The following TSHZ2 variants were observed in gnomAD, a reference collection of about 807,000 sequenced individuals.
TSHZ2 encodes the protein teashirt zinc finger homeobox 2, also known as teashirt homolog 2.
Under a neutral mutation model 74.4 loss-of-function variants are expected in TSHZ2, and 21 were observed. That is an observed-to-expected ratio of 0.28 (90% CI 0.20 to 0.41). TSHZ2 has a LOEUF of 0.41. Among genes scored for constraint, TSHZ2 ranks in the 10% least tolerant of loss-of-function variants. TSHZ2 has a pLI of 1.00. For missense variants in TSHZ2, 1,244 were observed against 1,293.5 expected (o/e 0.96, Z 0.59); for synonymous variants, 540 against 515.3 (o/e 1.05, Z -0.65).
At chr20:53,105,194 G>A (rs1472209222) in intron 1 of TSHZ2, among the ~76,000 whole-genome samples, 1 of 152,180 alleles carries the variant, frequency 6.6e-6, no homozygotes, top group Non-Finnish European at 1.5e-5. Flanking sequence ...TCATTTCGTG[G>A]CCACGTGAAA....
chr20:53,272,692 GA>G (rs1184219274), intron 2 of TSHZ2, among the ~76,000 whole-genome samples: 1 of 152,152 alleles, frequency 6.6e-6, no homozygotes, highest in Non-Finnish European at 1.5e-5. Flanking sequence ...GAGGATGTAA[GA>G]AACATTTCCA....
In TSHZ2 at chr20:53,487,996, G is replaced by A. The variant is rs1303040121; in HGVS notation, c.*861G>A. On this transcript the variant is annotated 3_prime_UTR_variant, in exon 3 of 3. Coordinates refer to ENST00000371497, the MANE Select transcript of TSHZ2 (RefSeq NM_173485.6). Reference sequence around the variant, plus strand: ...TGCAGAATCTGAGAGAACGCGAGAAGATGAGATCATTACAGGGTGGAAAGT... The same window carrying A: ...TGCAGAATCTGAGAGAACGCGAGAAAATGAGATCATTACAGGGTGGAAAGT... The A allele has an allele frequency of 2.0e-5, 3 of 152,234 alleles. No homozygotes were observed. The highest frequency in any genetic ancestry group is 4.4e-5 in the Non-Finnish European group (3 of 68,042). The allele number at this position is 152,234 out of a possible 1,614,324, so 9.4% of individuals were successfully genotyped here. A position where few individuals can be genotyped will look rare whatever the true frequency, so the allele number is the denominator to read the frequency against.
At chr20:52,987,237 C>G (rs1030203888) in intron 1 of TSHZ2, among the ~76,000 whole-genome samples, 4 of 152,056 alleles carry the variant, frequency 2.6e-5, no homozygotes, top group African/African-American at 9.7e-5. Context: ...TGGTTCTCAA[C>G]CTTTATTTGG....
At chr20:53,326,818 A>G (rs1979512501) in intron 2 of TSHZ2, among the ~76,000 whole-genome samples, 1 of 152,242 alleles carries the variant, frequency 6.6e-6, no homozygotes, top group African/African-American at 2.4e-5. Flanking sequence ...TCTGTTCACA[A>G]TTTTAGTAAT....
chr20:53,345,311 C>T (rs1980392568), intron 2 of TSHZ2, among the ~76,000 whole-genome samples: 1 of 151,844 alleles, frequency 6.6e-6, no homozygotes, highest in Non-Finnish European at 1.5e-5. Flanking sequence ...GTCACTGGAA[C>T]CACCCCCACC....
At chr20:53,012,937 A>G (rs1756914750) in intron 1 of TSHZ2, among the ~76,000 whole-genome samples, 1 of 152,142 alleles carries the variant, frequency 6.6e-6, no homozygotes, top group Non-Finnish European at 1.5e-5. Context: ...TCTCTCTTTT[A>G]CTTTGCCAAA....
chr20:53,078,818 GA>G (rs915617156), intron 1 of TSHZ2, among the ~76,000 whole-genome samples: 4 of 152,118 alleles, frequency 2.6e-5, no homozygotes, highest in Admixed American at 1.3e-4. Flanking sequence ...TGGAGTGGGG[GA>G]AAATTTTGGT....
chr20:53,204,087 C>A (rs1989079567), intron 1 of TSHZ2, among the ~76,000 whole-genome samples: 1 of 117,802 alleles, frequency 8.5e-6, no homozygotes, highest in Non-Finnish European at 1.9e-5. Context: ...CTATTTATAT[C>A]ATCATATGAT....
intron 1 of TSHZ2, among the ~76,000 whole-genome samples, chr20:53,186,425 C>A (rs1169830366): frequency 6.6e-6 from 1 of 152,162 alleles, no homozygotes; most frequent in Admixed American, 6.5e-5. Flanking sequence ...GAATCAGAAA[C>A]CCTAGGCTTG....
chr20:53,154,227 G>A (rs543850722), intron 1 of TSHZ2, among the ~76,000 whole-genome samples: 1 of 152,296 alleles, frequency 6.6e-6, no homozygotes, highest in South Asian at 2.1e-4. Context: ...ATCTAATGGG[G>A]AGTAAGTAGC....
intron 2 of TSHZ2, among the ~76,000 whole-genome samples, chr20:53,438,609 G>A (rs1475821322): frequency 6.6e-6 from 1 of 152,168 alleles, no homozygotes; most frequent in African/African-American, 2.4e-5. Flanking sequence ...TTGGAAGTGG[G>A]GTGAGCCCTA....
intron 1 of TSHZ2, among the ~76,000 whole-genome samples, chr20:53,091,739 G>A (rs148440987): frequency 1.1e-4 from 17 of 152,230 alleles, no homozygotes; most frequent in Non-Finnish European, 2.1e-4. Context: ...TTCAGAGAGT[G>A]TGCTAAAAAC....
At chr20:53,230,125 G>A (rs969670827) in intron 1 of TSHZ2, among the ~76,000 whole-genome samples, 1 of 152,116 alleles carries the variant, frequency 6.6e-6, no homozygotes, top group Non-Finnish European at 1.5e-5. Context: ...GTTCTAGTAT[G>A]AACCCTCAAA....
At chr20:53,448,982 A>AC (rs1984665528) in intron 2 of TSHZ2, among the ~76,000 whole-genome samples, 2 of 151,962 alleles carry the variant, frequency 1.3e-5, no homozygotes, top group Admixed American at 1.3e-4. Flanking sequence ...TCCCACACAC[A>AC]AAAAAAAGAT....
In TSHZ2 at chr20:53,458,322, T is replaced by C. The variant is rs200278871; in HGVS notation, c.*9-28822T>C. ...TGTGTCGAGGAATTTATCCATTTCT[T>C]CTAGATTTTCTAGTTTATTTGTGTA... is the stretch of plus-strand genomic sequence containing the variant. On this transcript the variant is annotated intron_variant, in intron 2 of 2. Coordinates refer to ENST00000371497, the MANE Select transcript of TSHZ2 (RefSeq NM_173485.6). Among the ~76,000 whole-genome samples, 38 of 151,980 alleles carry C rather than the reference T, an allele frequency of 2.5e-4. No individual in the cohort carries two copies. The East Asian group carries it at 7.2e-3, about 29-fold the overall frequency.
At chr20:53,383,261 TC>T (rs1981924193) in intron 2 of TSHZ2, among the ~76,000 whole-genome samples, 1 of 125,204 alleles carries the variant, frequency 8.0e-6, no homozygotes, top group African/African-American at 3.7e-5. Flanking sequence ...AAACTCTGTC[TC>T]AAAAAAAAAA....
At chr20:53,111,230 G>A (rs1237552067) in intron 1 of TSHZ2, among the ~76,000 whole-genome samples, 1 of 152,150 alleles carries the variant, frequency 6.6e-6, no homozygotes, top group African/African-American at 2.4e-5. Flanking sequence ...CTCAGACGTG[G>A]CCAGGAGAAG....
At chr20:53,090,228 A>C (rs1385832060) in intron 1 of TSHZ2, among the ~76,000 whole-genome samples, 1 of 152,180 alleles carries the variant, frequency 6.6e-6, no homozygotes, top group East Asian at 1.9e-4. Context: ...CTGTGCTGGC[A>C]GCTGACTAGA....
At chr20:53,242,754 A>T (rs1160137059) in intron 1 of TSHZ2, among the ~76,000 whole-genome samples, 3 of 152,210 alleles carry the variant, frequency 2.0e-5, no homozygotes, top group Non-Finnish European at 2.9e-5. Context: ...GTAAAATCTA[A>T]GTTTTGAACA....
Sources: allele counts gnomAD v4.1 joint callset (sites outside exome capture counted in the v4.1 genomes callset), GRCh38; gene constraint gnomAD v4.1.1; transcripts MANE v1.5; gene names NCBI Gene and HGNC (gene_info 2026-07-23, HGNC 2026-07-21).